Variants in CMYA5 observed in about 807,000 individuals in gnomAD.
CMYA5 encodes cardiomyopathy associated 5, also known as cardiomyopathy-associated protein 5.
In CMYA5, 246 loss-of-function variants were observed where a neutral mutation model predicts 318.9. That is an observed-to-expected ratio of 0.77 (90% CI 0.70 to 0.86). The LOEUF (loss-of-function observed/expected upper bound fraction) is 0.86, where lower values mean the gene tolerates loss of function less well. CMYA5 is among the 40% of genes least tolerant of loss of function. CMYA5 has a pLI of 0.00. For missense variants in CMYA5, 4,589 were observed against 4,678.2 expected (o/e 0.98, Z 0.56); for synonymous variants, 1,641 against 1,729.5 (o/e 0.95, Z 1.27).
Position 79,738,137 on chromosome 5 carries a change from A to G in CMYA5, c.9372A>G (p.Ile3124Met). ...SFYGPEKGHN[I>M]LSHPETQSQN... ...ATGGACCAGAAAAGGGCCACAACAT[A>G]TTATCTCATCCAGAGACCCAAAGCC... The change falls in exon 2 of 13, where the codon ATA becomes ATG. Residue 3124 changes from isoleucine (I) to methionine (M), a missense_variant. Coordinates refer to ENST00000446378, the MANE Select transcript of CMYA5 (RefSeq NM_153610.5). 1.2e-6 allele frequency: 2 copies of G among 1,613,840 alleles called. No individual in the cohort carries two copies. Among genetic ancestry groups the G allele is most frequent in the East Asian group, 2.2e-5 (1 of 44,886 alleles).
chr5:79,758,863 T>G lies in CMYA5; in HGVS notation c.11221T>G (p.Tyr3741Asp), dbSNP rs1828588190. Residue 3741 changes from tyrosine to aspartate, a missense_variant, in exon 7 of 13, where the codon TAC (tyrosine) becomes GAC (aspartate). Tyr to Asp is a radical substitution (Grantham distance 160). Coordinates refer to ENST00000446378, the MANE Select transcript of CMYA5 (RefSeq NM_153610.5). ...AGATGTCATTGATTCATTTCAGGTTTACTGCATGGAGGAGCCACAAGATGA... is the reference window on the plus strand; with the variant it reads ...AGATGTCATTGATTCATTTCAGGTTGACTGCATGGAGGAGCCACAAGATGA... ...KEDVIDSFQV[Y>D]CMEEPQDDQE... The G allele has an allele frequency of 1.2e-6, 2 of 1,602,954 alleles. No homozygotes were observed. The highest frequency in any genetic ancestry group is 4.5e-5 in the East Asian group (2 of 44,320).
At chr5:79,725,246 A>C (rs528903442) in intron 1 of CMYA5, among the ~76,000 whole-genome samples, 2 of 152,364 alleles carry the variant, frequency 1.3e-5, no homozygotes, top group African/African-American at 4.8e-5. Flanking sequence ...GGATAAAGAA[A>C]ATATGGTACA....
At chr5:79,747,038 C>A in intron 4 of CMYA5, 53 bp from the exon 5 acceptor site, 1 of 1,056,058 alleles carries the variant, frequency 9.5e-7, no homozygotes, top group Non-Finnish European at 1.4e-6. Flanking sequence ...CTCTCTCTTT[C>A]TCTCTCTCTT....
intron 9 of CMYA5, among the ~76,000 whole-genome samples, chr5:79,767,942 T>C (rs1045242286): frequency 6.6e-6 from 1 of 152,190 alleles, no homozygotes; most frequent in East Asian, 1.9e-4. Flanking sequence ...CTAAGTCTCT[T>C]TGTAGGTCTC....
rs772993554 is a variant in CMYA5, at chr5:79,745,366, C to T, written c.10879C>T (p.His3627Tyr). 4 of 1,613,900 alleles carry T rather than the reference C, an allele frequency of 2.5e-6. No individual in the cohort carries two copies. The highest frequency in any genetic ancestry group is 3.4e-6 in the Non-Finnish European group (4 of 1,179,866). ...GGAGTTCCTGCATGAGCAGATGGTCCACTTTCTGCAGAGCATGGACACTGC... is the reference window on the plus strand; with the variant it reads ...GGAGTTCCTGCATGAGCAGATGGTCTACTTTCTGCAGAGCATGGACACTGC... ...KMEFLHEQMVHFLQSMDTAKD... is the reference protein window; with the variant it reads ...KMEFLHEQMVYFLQSMDTAKD... The change falls in exon 4 of 13, where the codon CAC (histidine) becomes TAC (tyrosine). Residue 3627 changes from histidine (H) to tyrosine (Y), a missense_variant. Transcript: ENST00000446378.
chr5:79,761,233 A>T (rs939109564), intron 7 of CMYA5, among the ~76,000 whole-genome samples: 2 of 152,230 alleles, frequency 1.3e-5, no homozygotes, highest in Non-Finnish European at 1.5e-5. Context: ...GTTACTTCTT[A>T]GAGTAGCTTA....
Position 79,734,415 on chromosome 5 carries a change from G to T in CMYA5, c.5650G>T (p.Glu1884Ter). 6.2e-7 allele frequency: 1 copy of T among 1,613,702 alleles called. No homozygotes were observed. The highest frequency in any genetic ancestry group is 8.5e-7 in the Non-Finnish European group (1 of 1,179,764). ...GGATGTCAAAGAAACAAAAATGGAA[G>T]AATTCTTTATTTCTCCAAAGGATGA... ...PADVKETKME[E>*]FFISPKDENW... Residue 1884 changes from glutamate (E) to a stop codon, truncating the protein, a stop_gained, in exon 2 of 13, where the codon GAA becomes TAA. Coordinates refer to ENST00000446378, the MANE Select transcript of CMYA5 (RefSeq NM_153610.5). LOFTEE classifies it high-confidence loss of function.
chr5:79,719,102 G>T (rs976230272), intron 1 of CMYA5, among the ~76,000 whole-genome samples: 2 of 151,998 alleles, frequency 1.3e-5, no homozygotes, highest in Non-Finnish European at 2.9e-5. Flanking sequence ...AAGTGTAGGG[G>T]TTTTTTTAAG....
intron 6 of CMYA5, among the ~76,000 whole-genome samples, chr5:79,754,120 A>G (rs1245041310): frequency 2.0e-5 from 3 of 152,186 alleles, no homozygotes; most frequent in Admixed American, 6.5e-5. Context: ...GGAGAGACTG[A>G]TCTCAGAGCC....
intron 1 of CMYA5, among the ~76,000 whole-genome samples, chr5:79,696,249 C>A (rs769887655): frequency 6.6e-6 from 1 of 152,196 alleles, no homozygotes; most frequent in Non-Finnish European, 1.5e-5. Flanking sequence ...GTCATCAGTG[C>A]CGCCTTCTGT....
intron 1 of CMYA5, among the ~76,000 whole-genome samples, chr5:79,708,493 C>T (rs575767543): frequency 3.3e-5 from 5 of 152,052 alleles, no homozygotes; most frequent in Middle Eastern, 3.4e-3. Flanking sequence ...GGCGTGGTGG[C>T]GGGTGCCTGT....
At chr5:79,706,724 T>C (rs865855224) in intron 1 of CMYA5, among the ~76,000 whole-genome samples, 102 of 151,996 alleles carry the variant, frequency 6.7e-4, no homozygotes, top group Middle Eastern at 3.4e-3. Flanking sequence ...AGGCTCTCTG[T>C]GGGGGGAAGC....
chr5:79,790,418 C>T (rs1289075095), intron 10 of CMYA5, among the ~76,000 whole-genome samples: 1 of 152,058 alleles, frequency 6.6e-6, no homozygotes, highest in Non-Finnish European at 1.5e-5. Context: ...TACAGGTGCG[C>T]ACCACCATGC....
At chr5:79,741,920 T>A (rs555033829) in intron 2 of CMYA5, among the ~76,000 whole-genome samples, 1 of 152,228 alleles carries the variant, frequency 6.6e-6, no homozygotes, top group East Asian at 1.9e-4. Context: ...GGAACCCAGT[T>A]GACTAAAGCC....
At position 79,730,968 on chromosome 5, in the gene CMYA5, G is replaced by C. The variant is rs1174868876; in HGVS notation, c.2203G>C (p.Glu735Gln). ...TTCTGAGTACATGATTCCATCAGAA[G>C]AGAAGGAAGACACTGGATCGTTTAC... is the stretch of plus-strand genomic sequence containing the variant. ...GVSEYMIPSEEKEDTGSFTPA... is the reference protein window; with the variant it reads ...GVSEYMIPSEQKEDTGSFTPA... Residue 735 changes from glutamate (E) to glutamine (Q), a missense_variant, in exon 2 of 13, where the codon GAG becomes CAG. Glu to Gln is a conservative substitution (Grantham distance 29, BLOSUM62 2). Coordinates refer to ENST00000446378, the MANE Select transcript of CMYA5 (RefSeq NM_153610.5). The C allele has an allele frequency of 8.7e-6, 14 of 1,614,020 alleles. No homozygotes were observed. The highest frequency in any genetic ancestry group is 1.2e-5 in the Non-Finnish European group (14 of 1,179,898).
rs543943260 is a variant in CMYA5 at position 79,737,278 on chromosome 5, G to A, written c.8513G>A (p.Arg2838Gln). ...GCAGTGAAGAAAAAAGAAATGCCAC[G>A]ATCAGAATTGACTCCAGAAAGGCAT... ...INAVKKKEMP[R>Q]SELTPERHTV... is the part of the protein sequence containing the mutation. Residue 2838 changes from arginine (R) to glutamine (Q), a missense_variant, in exon 2 of 13, where the codon CGA becomes CAA. Around this residue, in one of 3 missense-constraint regions of CMYA5, gnomAD observed 2,431 missense variants for 2,495.1 expected, o/e 0.97. Coordinates refer to ENST00000446378, the MANE Select transcript of CMYA5 (RefSeq NM_153610.5). 3.0e-5 allele frequency: 48 copies of A among 1,613,722 alleles called. No homozygotes were observed. Among genetic ancestry groups the A allele is most frequent in the African/African-American group, 2.0e-4 (15 of 74,994 alleles).
At chr5:79,747,624 A>G (rs1292216714) in intron 5 of CMYA5, among the ~76,000 whole-genome samples, 1 of 152,194 alleles carries the variant, frequency 6.6e-6, no homozygotes, top group Non-Finnish European at 1.5e-5. Flanking sequence ...TGTTTTTAAC[A>G]CTTCATCTAA....
intron 9 of CMYA5, among the ~76,000 whole-genome samples, chr5:79,773,396 T>C (rs895142948): frequency 1.3e-5 from 2 of 152,196 alleles, no homozygotes; most frequent in Non-Finnish European, 2.9e-5. Context: ...AACCAGGAGA[T>C]AGGACTAGTC....
intron 9 of CMYA5, among the ~76,000 whole-genome samples, chr5:79,785,788 A>C (rs975861568): frequency 2.6e-5 from 4 of 152,102 alleles, no homozygotes; most frequent in African/African-American, 9.7e-5. Flanking sequence ...GAATGCTTTT[A>C]ATATCCCCCT....
Sources: allele counts gnomAD v4.1 joint callset (sites outside exome capture counted in the v4.1 genomes callset), GRCh38; gene constraint gnomAD v4.1.1; regional missense constraint gnomAD v4.1.1; transcripts MANE v1.5; gene names NCBI Gene and HGNC (gene_info 2026-07-23, HGNC 2026-07-21).